Variants in BLTP3B observed in about 807,000 individuals in gnomAD.
BLTP3B encodes UHRF1 (ICBP90) binding protein 1-like.
At chr12:100,054,602 C>T in the BLTP3B span, among the ~76,000 whole-genome samples, 25 of 149,634 alleles carry the variant, frequency 1.7e-4, no homozygotes, top group Non-Finnish European at 2.6e-4. Context: ...AAAGGGGGCA[C>T]GGGGGAACTA....
At chr12:100,066,817 C>T in the BLTP3B span, among the ~76,000 whole-genome samples, 2 of 148,726 alleles carry the variant, frequency 1.3e-5, no homozygotes, top group Non-Finnish European at 3.0e-5. Context: ...AAAAAAAAAA[C>T]TATACTCTGG....
the BLTP3B span, chr12:100,088,939 C>T: frequency 1.2e-4 from 185 of 1,583,126 alleles, no homozygotes; most frequent in Middle Eastern, 1.7e-4. Flanking sequence ...TGAATGTCAT[C>T]ACATATGTGT....
the BLTP3B span, among the ~76,000 whole-genome samples, chr12:100,080,509 T>C: frequency 6.6e-6 from 1 of 152,198 alleles, no homozygotes. Flanking sequence ...GGAAATCATT[T>C]TGGAACTTTT....
the BLTP3B span, chr12:100,070,215 C>A: frequency 1.3e-6 from 2 of 1,537,676 alleles, no homozygotes; most frequent in Non-Finnish European, 1.8e-6. Flanking sequence ...CAAAACAAAA[C>A]AAAAAACCAC....
the BLTP3B span, among the ~76,000 whole-genome samples, chr12:100,046,270 T>C: frequency 6.6e-6 from 1 of 152,162 alleles, no homozygotes; most frequent in Non-Finnish European, 1.5e-5. Context: ...TAAAGATATA[T>C]GCACACATAC....
At chr12:100,141,938 T>C in the BLTP3B span, among the ~76,000 whole-genome samples, 2 of 149,486 alleles carry the variant, frequency 1.3e-5, no homozygotes, top group African/African-American at 4.9e-5. Context: ...AAAAAAAAAA[T>C]GTTCAGTAAT....
the BLTP3B span, among the ~76,000 whole-genome samples, chr12:100,136,529 T>C: frequency 3.9e-4 from 60 of 152,288 alleles, 1 homozygote; most frequent in Non-Finnish European, 2.9e-5. Context: ...ATATATGTGC[T>C]CAAAAACGTT....
the BLTP3B span, among the ~76,000 whole-genome samples, chr12:100,038,074 CCTCT>C: frequency 6.6e-6 from 1 of 152,110 alleles, no homozygotes; most frequent in Admixed American, 6.5e-5. Context: ...ACTTTCTCAG[CCTCT>C]CTCCTTTTTC....
chr12:100,097,615 C>T, the BLTP3B span: 1 of 1,213,456 alleles, frequency 8.2e-7, no homozygotes, highest in Non-Finnish European at 1.1e-6. Context: ...TTTCACATGA[C>T]ATTTTAGATA....
At chr12:100,093,319 C>A in the BLTP3B span, among the ~76,000 whole-genome samples, 1 of 152,088 alleles carries the variant, frequency 6.6e-6, no homozygotes, top group African/African-American at 2.4e-5. Context: ...ACCTTGTTCA[C>A]ATAAATAGAC....
the BLTP3B span, among the ~76,000 whole-genome samples, chr12:100,131,076 T>C: frequency 6.6e-6 from 1 of 150,580 alleles, no homozygotes; most frequent in South Asian, 2.1e-4. Context: ...AATTTTCTGG[T>C]ATCATGAAGT....
the BLTP3B span, among the ~76,000 whole-genome samples, chr12:100,103,160 A>T: frequency 6.6e-6 from 1 of 152,162 alleles, no homozygotes; most frequent in African/African-American, 2.4e-5. Flanking sequence ...ATGAAAACAG[A>T]ATCTCTACTC....
chr12:100,063,040 T>C, the BLTP3B span, among the ~76,000 whole-genome samples: 63 of 150,668 alleles, frequency 4.2e-4, no homozygotes, highest in Admixed American at 7.3e-4. Context: ...TGAAGAAAAA[T>C]TACTTGTTCA....
At chr12:100,137,661 G>C in the BLTP3B span, among the ~76,000 whole-genome samples, 9,539 of 152,050 alleles carry the variant, frequency 0.063, 331 homozygotes, top group Middle Eastern at 0.14. Context: ...TGTAGACTCC[G>C]TATTTCCACC....
the BLTP3B span, among the ~76,000 whole-genome samples, chr12:100,138,725 T>C: frequency 6.6e-6 from 1 of 152,216 alleles, no homozygotes; most frequent in African/African-American, 2.4e-5. Context: ...GCCCTTAGCC[T>C]AAGGGAGCGA....
the BLTP3B span, among the ~76,000 whole-genome samples, chr12:100,069,724 G>A: frequency 2.0e-5 from 3 of 151,914 alleles, no homozygotes; most frequent in Non-Finnish European, 4.4e-5. Flanking sequence ...GTGGGAAGGG[G>A]GTGAGGGATA....
the BLTP3B span, among the ~76,000 whole-genome samples, chr12:100,104,489 C>A: frequency 6.6e-6 from 1 of 151,640 alleles, no homozygotes; most frequent in South Asian, 2.1e-4. Flanking sequence ...CAGGCACGCA[C>A]CACCATGCCT....
At chr12:100,133,403 G>A in the BLTP3B span, among the ~76,000 whole-genome samples, 1 of 152,138 alleles carries the variant, frequency 6.6e-6, no homozygotes, top group Non-Finnish European at 1.5e-5. Flanking sequence ...AAGGACCGCA[G>A]AGTCAAATGA....
chr12:100,100,612 T>G, the BLTP3B span, among the ~76,000 whole-genome samples: 1 of 151,942 alleles, frequency 6.6e-6, no homozygotes, highest in African/African-American at 2.4e-5. Flanking sequence ...CTTGGGAGGC[T>G]GAGGTGGGAG....
Sources: allele counts gnomAD v4.1 joint callset (sites outside exome capture counted in the v4.1 genomes callset), GRCh38; gene constraint gnomAD v4.1.1; transcripts MANE v1.5; gene names NCBI Gene and HGNC (gene_info 2026-07-23, HGNC 2026-07-21).